ADGRB3: variants seen among roughly 807,000 people sequenced by gnomAD.
ADGRB3 encodes the protein adhesion G protein-coupled receptor B3.
ADGRB3 carries 37 observed loss-of-function variants against 193.4 expected under a neutral mutation model. That is an observed-to-expected ratio of 0.19 (90% CI 0.15 to 0.25). The LOEUF is 0.25. Among genes scored for constraint, ADGRB3 ranks in the 10% least tolerant of loss-of-function variants. The pLI is 1.00. For missense variants in ADGRB3, 1,637 were observed against 1,852.9 expected (o/e 0.88, Z 2.14); for synonymous variants, 690 against 644.2 (o/e 1.07, Z -1.08).
intron 20 of ADGRB3, among the ~76,000 whole-genome samples, chr6:69,272,796 G>A (rs1027143178): frequency 5.9e-5 from 9 of 152,132 alleles, no homozygotes; most frequent in Admixed American, 1.3e-4. Flanking sequence ...GCAGAGAAAG[G>A]CTTGCCTGTT....
intron 6 of ADGRB3, among the ~76,000 whole-genome samples, chr6:68,946,852 G>A (rs888527470): frequency 1.3e-5 from 2 of 152,086 alleles, no homozygotes; most frequent in Non-Finnish European, 2.9e-5. Flanking sequence ...ATGTAGGAAT[G>A]ACATGCATTG....
At chr6:69,232,992 G>C (rs958167934) in intron 17 of ADGRB3, 5 of 433,998 alleles carry the variant, frequency 1.2e-5, no homozygotes, top group Non-Finnish European at 2.0e-5. Flanking sequence ...TCGTGCTGCC[G>C]CCGCTGCCGC....
intron 8 of ADGRB3, among the ~76,000 whole-genome samples, chr6:68,963,023 T>C (rs928525403): frequency 2.0e-5 from 3 of 152,150 alleles, no homozygotes; most frequent in African/African-American, 7.2e-5. Context: ...TTTTCTTTGA[T>C]CACCAGATCC....
Position 68,871,993 on chromosome 6 carries a change from A to G in ADGRB3, c.758-58566A>G, listed in dbSNP as rs1765472775. 2.6e-5 allele frequency among the ~76,000 whole-genome samples: 4 copies of G among 152,188 alleles called. No individual in the cohort carries two copies. In the South Asian group the frequency reaches 8.3e-4, roughly 32 times the overall value. Reference sequence around the variant, plus strand: ...TAAACTTTTGCTAAAATTTTGTGTAACAAATATTTTTTCATTGATATGACT... The same window carrying G: ...TAAACTTTTGCTAAAATTTTGTGTAGCAAATATTTTTTCATTGATATGACT... On this transcript the variant is annotated intron_variant, in intron 3 of 31. Coordinates refer to ENST00000370598, the MANE Select transcript of ADGRB3 (RefSeq NM_001704.3).
chr6:69,171,890 C>A (rs1775280203), intron 17 of ADGRB3, among the ~76,000 whole-genome samples: 1 of 152,134 alleles, frequency 6.6e-6, no homozygotes, highest in Non-Finnish European at 1.5e-5. Context: ...TCTACATTGC[C>A]ACACAAAATA....
In ADGRB3 at chr6:69,166,263, C is replaced by T. The variant is rs548213447; in HGVS notation, c.2481-67027C>T. Among the ~76,000 whole-genome samples, 235 of 152,090 alleles carry T rather than the reference C, an allele frequency of 1.5e-3. 3 individuals are homozygous for T. Among genetic ancestry groups the T allele is most frequent in the African/African-American group, 5.3e-3 (218 of 41,522 alleles). ...ACAAAAACCACAGTTTCAGCAGGTT[C>T]GTAGCTCGAAGAAAGCATGCAATGT... On this transcript the variant is annotated intron_variant, in intron 17 of 31. Transcript: ENST00000370598.
At chr6:69,086,969 A>G (rs1319644052) in intron 17 of ADGRB3, among the ~76,000 whole-genome samples, 1 of 152,110 alleles carries the variant, frequency 6.6e-6, no homozygotes, top group Non-Finnish European at 1.5e-5. Flanking sequence ...TTTTTGTTAG[A>G]AACGTAATTG....
At chr6:69,291,800 G>T (rs959581126) in intron 20 of ADGRB3, among the ~76,000 whole-genome samples, 2 of 152,126 alleles carry the variant, frequency 1.3e-5, no homozygotes, top group Non-Finnish European at 2.9e-5. Context: ...ATTTGATAAA[G>T]AGCACATGCA....
At chr6:69,148,347 A>G (rs893696546) in intron 17 of ADGRB3, among the ~76,000 whole-genome samples, 5 of 152,168 alleles carry the variant, frequency 3.3e-5, no homozygotes, top group African/African-American at 1.2e-4. Context: ...AATGTCTTAT[A>G]ACCCATTGTT....
chr6:69,237,905 C>T (rs540788701), intron 19 of ADGRB3, among the ~76,000 whole-genome samples: 10 of 152,104 alleles, frequency 6.6e-5, no homozygotes, highest in Middle Eastern at 3.4e-3. Flanking sequence ...GTTCAGCAAC[C>T]CTGAGGCCAT....
intron 19 of ADGRB3, among the ~76,000 whole-genome samples, chr6:69,235,936 A>G (rs1766254005): frequency 6.6e-6 from 1 of 151,862 alleles, no homozygotes; most frequent in Admixed American, 6.6e-5. Context: ...ACATTTTTAT[A>G]TCCACTTTTA....
intron 17 of ADGRB3, among the ~76,000 whole-genome samples, chr6:69,186,359 C>T (rs914869563): frequency 2.6e-5 from 4 of 151,870 alleles, no homozygotes; most frequent in Admixed American, 6.6e-5. Context: ...CATTAGAAGG[C>T]AGCATTGACT....
At chr6:68,825,804 A>C (rs1430414683) in intron 3 of ADGRB3, among the ~76,000 whole-genome samples, 2 of 152,164 alleles carry the variant, frequency 1.3e-5, no homozygotes, top group African/African-American at 4.8e-5. Flanking sequence ...TGCTTTCCGC[A>C]ATGATTGTAA....
At position 69,282,665 on chromosome 6, in the gene ADGRB3, G is replaced by A. The variant is rs1582602811; in HGVS notation, c.2815-42207G>A. Among the ~76,000 whole-genome samples, 4 of 152,258 alleles carry A rather than the reference G, an allele frequency of 2.6e-5. No individual in the cohort carries two copies. In the East Asian group the frequency reaches 5.8e-4, roughly 22 times the overall value. On this transcript the variant is annotated intron_variant, in intron 20 of 31. Transcript: ENST00000370598. Reference sequence around the variant, plus strand: ...TAATAATGAAACTACTGAGGCTTAAGCTAACCAATATTTATTGGGTGACTA... The same window carrying A: ...TAATAATGAAACTACTGAGGCTTAAACTAACCAATATTTATTGGGTGACTA...
chr6:68,840,366 A>G (rs1768128369), intron 3 of ADGRB3, among the ~76,000 whole-genome samples: 1 of 87,138 alleles, frequency 1.1e-5, no homozygotes, highest in African/African-American at 5.3e-5. Flanking sequence ...GGCACTGGGC[A>G]GTCTTTTTTT....
chr6:69,208,263 C>G (rs940286656), intron 17 of ADGRB3, among the ~76,000 whole-genome samples: 1 of 152,186 alleles, frequency 6.6e-6, no homozygotes, highest in Non-Finnish European at 1.5e-5. Flanking sequence ...GCTGAGGTCA[C>G]CCGGTGGTGA....
intron 3 of ADGRB3, among the ~76,000 whole-genome samples, chr6:68,817,752 A>C (rs1767664743): frequency 6.6e-6 from 1 of 152,062 alleles, no homozygotes; most frequent in Admixed American, 6.6e-5. Context: ...TTTTCAAGCC[A>C]AATTGCATTT....
chr6:69,030,362 C>T (rs908935303), intron 13 of ADGRB3, among the ~76,000 whole-genome samples: 3 of 152,126 alleles, frequency 2.0e-5, no homozygotes, highest in African/African-American at 7.2e-5. Flanking sequence ...TTGGAACCAA[C>T]CCAAATGCCC....
Position 68,834,961 on chromosome 6 carries a change from T to C in ADGRB3, c.758-95598T>C, listed in dbSNP as rs565788879. 7.2e-5 allele frequency among the ~76,000 whole-genome samples: 11 copies of C among 152,076 alleles called. No homozygotes were observed. The East Asian group carries it at 1.4e-3, about 19-fold the overall frequency. ...AGTTACTACCTAGTATAATTGAAAA[T>C]ATGTGAGTTAAAAAAAATCCAAGCA... is the stretch of plus-strand genomic sequence containing the variant. On this transcript the variant is annotated intron_variant, in intron 3 of 31. Coordinates refer to ENST00000370598, the MANE Select transcript of ADGRB3 (RefSeq NM_001704.3).
Sources: allele counts gnomAD v4.1 joint callset (sites outside exome capture counted in the v4.1 genomes callset), GRCh38; gene constraint gnomAD v4.1.1; transcripts MANE v1.5; gene names NCBI Gene and HGNC (gene_info 2026-07-23, HGNC 2026-07-21).